TMEM87B: variants seen among roughly 807,000 people sequenced by gnomAD.
TMEM87B encodes transmembrane protein 87B.
In TMEM87B, 83 loss-of-function variants were observed where a neutral mutation model predicts 80.3. The observed-to-expected ratio is 1.03, with a 90% CI of 0.87 to 1.24. The LOEUF is 1.24. Ranked by LOEUF, TMEM87B falls within the 50% of genes most tolerant of loss-of-function variation. The pLI is 0.00. For synonymous variants in TMEM87B, 219 were observed against 230.5 expected (o/e 0.95, Z 0.45); for missense variants, 625 against 674.4 (o/e 0.93, Z 0.81).
At position 112,055,534 on chromosome 2, in the gene TMEM87B, G is replaced by T; in HGVS notation, c.-58G>T. On this transcript the variant is annotated 5_prime_UTR_variant, in exon 1 of 19. Transcript: ENST00000283206. Reference sequence around the variant, plus strand: ...GGACCCGCCTGCCTGGGGCGGTGCTGCACCAGGTGCGGGTGTGGCAGGCGT... The same window carrying T: ...GGACCCGCCTGCCTGGGGCGGTGCTTCACCAGGTGCGGGTGTGGCAGGCGT... 1 of 1,445,660 alleles carries T rather than the reference G, an allele frequency of 6.9e-7. No individual in the cohort carries two copies. Among genetic ancestry groups the T allele is most frequent in the African/African-American group, 1.5e-5 (1 of 67,326 alleles). 89.6% of individuals were successfully genotyped at this position (1,445,660 alleles called of 1,614,324 possible). A position where few individuals can be genotyped will look rare whatever the true frequency, so the allele number is the denominator to read the frequency against.
intron 5 of TMEM87B, among the ~76,000 whole-genome samples, chr2:112,076,239 G>A (rs1040500303): frequency 1.9e-4 from 29 of 152,200 alleles, no homozygotes; most frequent in South Asian, 2.1e-4. Context: ...GTGACAGAGC[G>A]AGACTCCATC....
intron 2 of TMEM87B, 32 bp from the exon 3 acceptor site, chr2:112,064,130 C>A: frequency 1.3e-6 from 2 of 1,570,708 alleles, no homozygotes; most frequent in South Asian, 1.1e-5. Flanking sequence ...ATGTATTATT[C>A]ATGTAAAACA....
intron 4 of TMEM87B, among the ~76,000 whole-genome samples, chr2:112,072,859 G>C (rs1678694628): frequency 7.0e-6 from 1 of 141,966 alleles, no homozygotes; most frequent in South Asian, 2.3e-4. Context: ...GTGATGTTAG[G>C]TTGTTAATTA....
At position 112,116,860 on chromosome 2, in the gene TMEM87B, T is replaced by C. The variant is rs1680039944; in HGVS notation, c.*717T>C. On this transcript the variant is annotated 3_prime_UTR_variant, in exon 19 of 19. Transcript: ENST00000283206. ...AAGAATTACCCTCATTGTCCCTCAC[T>C]CAGGCCATGTGTACATGCGATGCTG... The C allele has an allele frequency of 1.3e-5, 2 of 152,578 alleles. No homozygotes were observed. The highest frequency in any genetic ancestry group is 4.8e-5 in the African/African-American group (2 of 41,428). The allele number at this position is 152,578 out of a possible 1,614,324, so 9.5% of individuals were successfully genotyped here.
chr2:112,098,791 G>A lies in TMEM87B; in HGVS notation c.1376+93G>A, dbSNP rs1202582018. 1.1e-5 allele frequency: 14 copies of A among 1,265,334 alleles called. No individual in the cohort carries two copies. In the Admixed American group the frequency reaches 2.2e-4, roughly 19 times the overall value. 78.4% of individuals were successfully genotyped at this position (1,265,334 alleles called of 1,614,324 possible). ...GTTTATAGAAACCAGGAGAATAGTC[G>A]TTGCTTTTAAGGAGTATACAGTCAA... On this transcript the variant is annotated intron_variant, in intron 14 of 18. Transcript: ENST00000283206.
At chr2:112,059,183 C>T (rs1030742874) in intron 1 of TMEM87B, among the ~76,000 whole-genome samples, 4 of 152,040 alleles carry the variant, frequency 2.6e-5, no homozygotes, top group African/African-American at 4.8e-5. Context: ...AATGCCTAAT[C>T]ATTTGTACAT....
chr2:112,086,157 C>T (rs1167428418), intron 9 of TMEM87B, 53 bp downstream of exon 9: 8 of 1,414,158 alleles, frequency 5.7e-6, no homozygotes, highest in East Asian at 2.3e-5. Flanking sequence ...TGATTCAGTC[C>T]GTCTACATTA....
At position 112,060,434 on chromosome 2, in the gene TMEM87B, A is replaced by G. The variant is rs116636725; in HGVS notation, c.226+397A>G. Among the ~76,000 whole-genome samples, 435 of 152,350 alleles carry G rather than the reference A, an allele frequency of 2.9e-3. 1 individual carries two copies. The highest frequency in any genetic ancestry group is 9.6e-3 in the African/African-American group (400 of 41,584). ...AAATACATTCATGTAAATGAATATAACATATATAATAAACTAAGCAAATGT... is the reference window on the plus strand; with the variant it reads ...AAATACATTCATGTAAATGAATATAGCATATATAATAAACTAAGCAAATGT... On this transcript the variant is annotated intron_variant, in intron 2 of 18. Transcript: ENST00000283206.
chr2:112,119,101 A>T lies in TMEM87B; in HGVS notation c.*2958A>T, dbSNP rs1309473024. The T allele has an allele frequency of 1.3e-5, 2 of 152,206 alleles. No homozygotes were observed. The highest frequency in any genetic ancestry group is 2.9e-5 in the Non-Finnish European group (2 of 68,006). The allele number at this position is 152,206 out of a possible 1,614,324, so 9.4% of individuals were successfully genotyped here. Reference sequence around the variant, plus strand: ...TTGGAGCTCAGTACTGCATGAAGAGACTTCATTAAAACTAAGAAAACATTT... The same window carrying T: ...TTGGAGCTCAGTACTGCATGAAGAGTCTTCATTAAAACTAAGAAAACATTT... On this transcript the variant is annotated 3_prime_UTR_variant, in exon 19 of 19. Coordinates refer to ENST00000283206, the MANE Select transcript of TMEM87B (RefSeq NM_032824.3).
Position 112,066,949 on chromosome 2 carries a change from A to G in TMEM87B, c.332A>G (p.Lys111Arg). ...EHSNLEELFQ[K>R]HKLSVDEDFC... ...TACCTTATATAGGAGCTGTTCCAAA[A>G]ACATAAACTTAGTGTTGATGAAGAC... Residue 111 changes from lysine (K) to arginine (R), a missense_variant, in exon 4 of 19, where the codon AAA becomes AGA. Transcript: ENST00000283206. 1 of 1,604,396 alleles carries G rather than the reference A, an allele frequency of 6.2e-7. No individual in the cohort carries two copies. Among genetic ancestry groups the G allele is most frequent in the Non-Finnish European group, 8.5e-7 (1 of 1,177,034 alleles).
At chr2:112,057,171 C>G (rs1678100550) in intron 1 of TMEM87B, among the ~76,000 whole-genome samples, 1 of 152,208 alleles carries the variant, frequency 6.6e-6, no homozygotes, top group Non-Finnish European at 1.5e-5. Context: ...CCTTCTCTCC[C>G]AAGAGTGGAC....
intron 5 of TMEM87B, 107 bp from the exon 6 acceptor site, chr2:112,077,085 A>G: frequency 1.9e-6 from 1 of 529,370 alleles, no homozygotes; most frequent in Admixed American, 3.6e-5. Flanking sequence ...GAAAAATTTA[A>G]AAAGTAACCC....
chr2:112,075,806 G>A (rs1190042466), intron 5 of TMEM87B, among the ~76,000 whole-genome samples: 1 of 152,148 alleles, frequency 6.6e-6, no homozygotes, highest in African/African-American at 2.4e-5. Context: ...AAAGGCACTC[G>A]CTCTGCAGTG....
intron 16 of TMEM87B, among the ~76,000 whole-genome samples, chr2:112,106,431 G>C (rs898955097): frequency 1.3e-5 from 2 of 152,120 alleles, no homozygotes; most frequent in Non-Finnish European, 1.5e-5. Flanking sequence ...TTCGAGATGG[G>C]AAAGCTTTGT....
intron 4 of TMEM87B, 50 bp downstream of exon 4, chr2:112,067,117 C>T (rs1398010325): frequency 6.3e-7 from 1 of 1,582,296 alleles, no homozygotes; most frequent in African/African-American, 1.4e-5. Flanking sequence ...CCAGTGAATA[C>T]AAGTATCAAC....
At chr2:112,101,811 AT>A (rs1679639486) in intron 15 of TMEM87B, among the ~76,000 whole-genome samples, 1 of 152,216 alleles carries the variant, frequency 6.6e-6, no homozygotes, top group Non-Finnish European at 1.5e-5. Flanking sequence ...TAGAGAGGAC[AT>A]TACTATGGTA....
intron 9 of TMEM87B, among the ~76,000 whole-genome samples, chr2:112,087,260 A>T (rs1019522352): frequency 6.6e-6 from 1 of 152,010 alleles, no homozygotes; most frequent in Non-Finnish European, 1.5e-5. Context: ...AATTTGCCCA[A>T]AAAGAGCCCT....
intron 11 of TMEM87B, among the ~76,000 whole-genome samples, chr2:112,094,641 G>A (rs1028333958): frequency 2.0e-4 from 30 of 152,290 alleles, no homozygotes; most frequent in Middle Eastern, 6.8e-3. Context: ...TATCTGATTA[G>A]TCAGATTGGG....
rs117881371 is a variant in TMEM87B, at chr2:112,072,396, T to A, written c.451-2516T>A. ...ACTTCTAGTAGAATTTAGCTGTGAA[T>A]CCATCTGGTCTTCGGCCTTTTTTTG... On this transcript the variant is annotated intron_variant, in intron 4 of 18. Transcript: ENST00000283206. 8.8e-3 allele frequency among the ~76,000 whole-genome samples: 1,348 copies of A among 152,328 alleles called. 55 individuals carry two copies. The highest frequency in any genetic ancestry group is 0.065 in the Admixed American group (989 of 15,300).
Sources: gnomAD v4.1 joint callset for allele counts (sites outside exome capture counted in the v4.1 genomes callset) on GRCh38, gnomAD v4.1.1 for gene constraint, MANE v1.5 for transcripts, NCBI Gene and HGNC (gene_info 2026-07-23, HGNC 2026-07-21) for gene names.